Variants in PCNX1 observed in about 807,000 individuals in gnomAD.
PCNX1 encodes the protein pecanex-like protein 1.
PCNX1 carries 78 observed loss-of-function variants against 242.2 expected under a neutral mutation model. The ratio of observed to expected loss-of-function variants is 0.32; its 90% CI spans 0.27 to 0.39. PCNX1 has a LOEUF of 0.39. Ranked by LOEUF, PCNX1 falls within the 10% of genes least tolerant of loss-of-function variation. The pLI is 1.00. For missense variants in PCNX1, 2,581 were observed against 2,856.5 expected, an observed-to-expected ratio of 0.90 and a Z score of 2.20; for synonymous variants, 1,024 against 1,032.9, an observed-to-expected ratio of 0.99 and a Z score of 0.17.
chr14:71,045,115 T>C lies in PCNX1; in HGVS notation c.3868-18T>C, dbSNP rs763292510. 5 of 1,554,010 alleles carry C rather than the reference T, an allele frequency of 3.2e-6. No individual in the cohort carries two copies. In the South Asian group the frequency reaches 4.8e-5, roughly 15 times the overall value. On this transcript the variant is annotated intron_variant, in intron 19 of 35. Coordinates refer to ENST00000304743, the MANE Select transcript of PCNX1 (RefSeq NM_014982.3). ...TCAAAATCACTCCTAATTTTATCAC[T>C]TCTATTATTTTTTTTAGCCTGCCCT...
intron 5 of PCNX1, among the ~76,000 whole-genome samples, chr14:70,970,493 G>A (rs2058509478): frequency 2.6e-5 from 4 of 152,152 alleles, no homozygotes; most frequent in Non-Finnish European, 4.4e-5. Flanking sequence ...AGGGGTTGGT[G>A]CCCTTGTGTT....
At chr14:70,998,525 C>G (rs979129488) in intron 8 of PCNX1, among the ~76,000 whole-genome samples, 2 of 151,652 alleles carry the variant, frequency 1.3e-5, no homozygotes, top group African/African-American at 4.8e-5. Context: ...CCAAGACGGG[C>G]AGATCACTTG....
intron 8 of PCNX1, among the ~76,000 whole-genome samples, chr14:71,008,237 G>C (rs1048663165): frequency 1.3e-5 from 2 of 152,004 alleles, no homozygotes; most frequent in African/African-American, 4.8e-5. Context: ...GTACATTATG[G>C]AGTCCTTTTA....
intron 30 of PCNX1, among the ~76,000 whole-genome samples, chr14:71,096,173 C>CCAGGCA (rs2062274227): frequency 6.6e-6 from 1 of 152,164 alleles, no homozygotes; most frequent in African/African-American, 2.4e-5. Context: ...CAATAATTAG[C>CCAGGCA]TGGACGTGGC....
intron 8 of PCNX1, among the ~76,000 whole-genome samples, chr14:71,000,777 C>T (rs192126222): frequency 1.3e-5 from 2 of 152,112 alleles, no homozygotes; most frequent in East Asian, 1.9e-4. Context: ...CCACCCACCT[C>T]GGCCTCCCAA....
At chr14:70,921,454 A>G (rs2056370752) in intron 1 of PCNX1, among the ~76,000 whole-genome samples, 1 of 152,154 alleles carries the variant, frequency 6.6e-6, no homozygotes, top group Admixed American at 6.5e-5. Flanking sequence ...CTAATTTTTG[A>G]ATTTTTGTAG....
At chr14:70,932,245 C>G (rs1399632133) in intron 1 of PCNX1, among the ~76,000 whole-genome samples, 1 of 152,158 alleles carries the variant, frequency 6.6e-6, no homozygotes, top group South Asian at 2.1e-4. Flanking sequence ...GCATATAAGG[C>G]AGCAAAGGAC....
At chr14:71,019,483 C>T (rs2060040795) in intron 12 of PCNX1, among the ~76,000 whole-genome samples, 1 of 152,170 alleles carries the variant, frequency 6.6e-6, no homozygotes, top group South Asian at 2.1e-4. Context: ...CTCACTGCAA[C>T]CGTCGCCTCC....
intron 1 of PCNX1, among the ~76,000 whole-genome samples, chr14:70,932,992 G>A (rs2056864442): frequency 1.3e-5 from 2 of 152,100 alleles, no homozygotes; most frequent in Non-Finnish European, 2.9e-5. Flanking sequence ...TTGTTTTCTA[G>A]TGTAAACTGA....
chr14:70,967,122 G>A (rs1041056633), intron 3 of PCNX1, among the ~76,000 whole-genome samples: 5 of 152,132 alleles, frequency 3.3e-5, no homozygotes, highest in African/African-American at 1.2e-4. Flanking sequence ...AACTTACACA[G>A]CGTAGTGCAC....
chr14:70,936,487 T>A (rs2057010350), intron 1 of PCNX1, among the ~76,000 whole-genome samples: 1 of 152,216 alleles, frequency 6.6e-6, no homozygotes. Flanking sequence ...TACATAGTAT[T>A]CCATGGTGTA....
In PCNX1 at chr14:70,977,686, G is replaced by T; in HGVS notation, c.1349G>T (p.Ser450Ile). Residue 450 changes from serine (S) to isoleucine (I), a missense_variant, in exon 6 of 36, where the codon AGC (serine) becomes ATC (isoleucine). Ser to Ile is a moderately radical substitution (Grantham distance 142). This residue lies in a region of PCNX1 where 1,204 missense variants were observed against 1,216.7 expected (regional missense o/e 0.99). Coordinates refer to ENST00000304743, the MANE Select transcript of PCNX1 (RefSeq NM_014982.3). ...AGCTGTGCCAGTGACAAAAGGACTA[G>T]CAGTGAAAAGATTGCTATGGAAGCG... ...KNSCASDKRT[S>I]SEKIAMEAST... 1.2e-6 allele frequency: 2 copies of T among 1,614,184 alleles called. No homozygotes were observed. Among genetic ancestry groups the T allele is most frequent in the Non-Finnish European group, 1.7e-6 (2 of 1,180,040 alleles).
rs2062522508 is a variant in PCNX1, at chr14:71,103,622, T to G, written c.6048T>G (p.Pro2016=). The G allele has an allele frequency of 6.2e-7, 1 of 1,614,030 alleles. No individual in the cohort carries two copies. Among genetic ancestry groups the G allele is most frequent in the Admixed American group, 1.7e-5 (1 of 60,004 alleles). ...AGCTTAAAGACATTCTTGGGGGTCC[T>G]ATCAGCTTGGGAAATATCAGGAACT... The part of the protein sequence containing the change: ...HEQLKDILGG[P]ISLGNIRNFI... Residue 2016 remains proline, a synonymous_variant, in exon 32 of 36, where the codon CCT becomes CCG. Coordinates refer to ENST00000304743, the MANE Select transcript of PCNX1 (RefSeq NM_014982.3).
chr14:70,965,455 C>T (rs2810100), intron 3 of PCNX1: 1 of 151,848 alleles, frequency 6.6e-6, no homozygotes, highest in African/African-American at 2.4e-5. Flanking sequence ...CGAGGTTGGG[C>T]GATTGAGACC....
chr14:70,960,766 C>T (rs1425738970), intron 2 of PCNX1, among the ~76,000 whole-genome samples: 1 of 152,120 alleles, frequency 6.6e-6, no homozygotes, highest in African/African-American at 2.4e-5. Context: ...CTAGAAAACC[C>T]CATTGTCTCA....
chr14:71,082,805 G>C (rs1378143105), intron 28 of PCNX1, among the ~76,000 whole-genome samples: 1 of 152,028 alleles, frequency 6.6e-6, no homozygotes, highest in African/African-American at 2.4e-5. Flanking sequence ...TATCCAGTTT[G>C]CCAGTGTGTG....
In PCNX1 at chr14:71,057,581, G is replaced by A. The variant is rs1044043737; in HGVS notation, c.4709G>A (p.Gly1570Asp). ...AGATCCCTACAGCACAGCCTCTGTG[G>A]TGATTTGCTACTAGGACGGTGGGGA... ...LTRSLQHSLCGDLLLGRWGNY... is the reference protein window; with the variant it reads ...LTRSLQHSLCDDLLLGRWGNY... Residue 1570 changes from glycine to aspartate, a missense_variant, in exon 26 of 36, where the codon GGT (glycine) becomes GAT (aspartate). Gly to Asp is a moderately conservative substitution (Grantham distance 94, BLOSUM62 -1). Coordinates refer to ENST00000304743, the MANE Select transcript of PCNX1 (RefSeq NM_014982.3). The A allele has an allele frequency of 2.5e-6, 4 of 1,613,446 alleles. No homozygotes were observed. Among genetic ancestry groups the A allele is most frequent in the African/African-American group, 2.7e-5 (2 of 74,884 alleles).
At chr14:70,966,193 G>A (rs1033449008) in intron 3 of PCNX1, among the ~76,000 whole-genome samples, 8 of 152,218 alleles carry the variant, frequency 5.3e-5, no homozygotes, top group African/African-American at 1.9e-4. Context: ...GCATAATGCA[G>A]AAAAGTATGA....
At chr14:70,962,161 A>G in intron 2 of PCNX1, 65 bp from the exon 3 acceptor site, 2 of 984,132 alleles carry the variant, frequency 2.0e-6, no homozygotes, top group Admixed American at 1.9e-5. Context: ...TAAAAAATTA[A>G]CAAAGGAAAA....
Sources: allele counts gnomAD v4.1 joint callset (sites outside exome capture counted in the v4.1 genomes callset), GRCh38; gene constraint gnomAD v4.1.1; regional missense constraint gnomAD v4.1.1; transcripts MANE v1.5; gene names NCBI Gene and HGNC (gene_info 2026-07-23, HGNC 2026-07-21).